NTM: variants seen among roughly 807,000 people sequenced by gnomAD.
NTM encodes the protein neurotrimin.
A neutral mutation model predicts 42.1 loss-of-function variants in NTM; 13 were observed. That is an observed-to-expected ratio of 0.31 (90% CI 0.20 to 0.49). The LOEUF (loss-of-function observed/expected upper bound fraction) is 0.49. Among genes scored for constraint, NTM ranks in the 20% least tolerant of loss-of-function variants. The pLI, the probability that NTM is intolerant of heterozygous loss-of-function variation, is 0.99. For synonymous variants in NTM, 187 were observed against 179.2 expected (o/e 1.04, Z -0.35); for missense variants, 373 against 452.8 (o/e 0.82, Z 1.60).
chr11:131,705,747 A>G (rs574937261), intron 1 of NTM, among the ~76,000 whole-genome samples: 1 of 152,136 alleles, frequency 6.6e-6, no homozygotes, highest in South Asian at 2.1e-4. Flanking sequence ...TTATGTATGC[A>G]GTTTAAGTTA....
chr11:131,700,280 A>G (rs1274844175), intron 1 of NTM, among the ~76,000 whole-genome samples: 1 of 152,126 alleles, frequency 6.6e-6, no homozygotes, highest in Non-Finnish European at 1.5e-5. Context: ...AACTTCAGAA[A>G]CTTTCTAATT....
At chr11:132,062,137 C>T (rs2080779821) in intron 2 of NTM, among the ~76,000 whole-genome samples, 1 of 152,150 alleles carries the variant, frequency 6.6e-6, no homozygotes, top group Non-Finnish European at 1.5e-5. Context: ...TTTTGCCTCA[C>T]TTGGAAGTAA....
chr11:131,735,772 G>T (rs2080334711), intron 1 of NTM, among the ~76,000 whole-genome samples: 1 of 151,958 alleles, frequency 6.6e-6, no homozygotes, highest in South Asian at 2.1e-4. Flanking sequence ...CCCACACTGT[G>T]GTGGAAAGAA....
intron 4 of NTM, among the ~76,000 whole-genome samples, chr11:132,301,544 C>G (rs2094857666): frequency 6.6e-6 from 1 of 152,220 alleles, no homozygotes; most frequent in Non-Finnish European, 1.5e-5. Flanking sequence ...TATCTCCCAG[C>G]ATCTGAGCAA....
intron 2 of NTM, among the ~76,000 whole-genome samples, chr11:132,134,705 GTATATATA>G (rs57297229): frequency 0.043 from 3,258 of 75,738 alleles, 574 homozygotes; most frequent in Non-Finnish European, 0.058. Context: ...GTATTCCATG[GTATATATA>G]TATATATATA....
chr11:131,937,134 A>C (rs1478726978), intron 2 of NTM, among the ~76,000 whole-genome samples: 1 of 151,946 alleles, frequency 6.6e-6, no homozygotes, highest in South Asian at 2.1e-4. Context: ...AAAAACGTCT[A>C]CTCTTTTATT....
intron 1 of NTM, among the ~76,000 whole-genome samples, chr11:131,500,455 A>G (rs2046597511): frequency 1.3e-5 from 2 of 151,140 alleles, no homozygotes; most frequent in African/African-American, 4.8e-5. Flanking sequence ...GTAAGTAAGT[A>G]TGCTGACTAT....
chr11:131,566,670 C>T (rs318950), intron 1 of NTM, among the ~76,000 whole-genome samples: 80,707 of 151,978 alleles, frequency 0.53, 21,784 homozygotes, highest in South Asian at 0.69. Flanking sequence ...CCAAATGCGG[C>T]ACAACTTTAA....
intron 1 of NTM, among the ~76,000 whole-genome samples, chr11:131,581,601 C>T (rs1195431153): frequency 1.3e-5 from 2 of 152,122 alleles, no homozygotes; most frequent in African/African-American, 2.4e-5. Flanking sequence ...AGGGGACTTC[C>T]TCGTTATTCT....
At chr11:131,385,272 G>C (rs969644859) in intron 1 of NTM, 1 of 152,206 alleles carries the variant, frequency 6.6e-6, no homozygotes, top group East Asian at 1.9e-4. Context: ...GGAGGAAAAA[G>C]TAGTATTCCC....
intron 2 of NTM, among the ~76,000 whole-genome samples, chr11:132,060,530 A>G (rs764740164): frequency 2.6e-5 from 4 of 152,132 alleles, no homozygotes; most frequent in Non-Finnish European, 5.9e-5. Context: ...TGTAAATAAC[A>G]TTTTGCTGTT....
intron 1 of NTM, among the ~76,000 whole-genome samples, chr11:131,427,985 T>C (rs1298031931): frequency 6.6e-6 from 1 of 152,344 alleles, no homozygotes; most frequent in Non-Finnish European, 1.5e-5. Flanking sequence ...GGGTGATCTC[T>C]TTATTACATG....
At chr11:132,219,579 A>T (rs1592302831) in intron 4 of NTM, among the ~76,000 whole-genome samples, 1 of 152,066 alleles carries the variant, frequency 6.6e-6, no homozygotes, top group South Asian at 2.1e-4. Context: ...TGGACTGTGG[A>T]TCATCTCATA....
At chr11:132,001,408 T>G (rs1308298821) in intron 2 of NTM, among the ~76,000 whole-genome samples, 1 of 152,208 alleles carries the variant, frequency 6.6e-6, no homozygotes, top group Non-Finnish European at 1.5e-5. Flanking sequence ...TACCTGAAAT[T>G]GGATAATGTA....
chr11:132,162,362 G>A (rs1231583869), intron 3 of NTM, among the ~76,000 whole-genome samples: 4 of 150,864 alleles, frequency 2.7e-5, no homozygotes, highest in Admixed American at 2.6e-4. Flanking sequence ...GCATGTGGGG[G>A]GGACTGCGTG....
intron 1 of NTM, among the ~76,000 whole-genome samples, chr11:131,874,065 A>ATATATATATATATC (rs1565659857): frequency 1.7e-5 from 1 of 60,194 alleles, no homozygotes; most frequent in African/African-American, 4.3e-5. Context: ...ATATATATAT[A>ATATATATATATATC]TATCAGCAAC....
intron 1 of NTM, among the ~76,000 whole-genome samples, chr11:131,372,581 TA>T (rs1471020951): frequency 2.0e-5 from 3 of 150,262 alleles, no homozygotes; most frequent in Admixed American, 2.0e-4. Context: ...AAATGAAAAC[TA>T]AGCAGGCAAG....
intron 3 of NTM, among the ~76,000 whole-genome samples, chr11:132,158,062 C>T (rs541572168): frequency 2.5e-4 from 38 of 152,296 alleles, no homozygotes; most frequent in Admixed American, 1.8e-3. Context: ...CCATGCTCAG[C>T]GAAAGCATTT....
rs371669307 is a variant in NTM, at chr11:132,205,069, G to A, written c.401-6953G>A. The stretch of plus-strand genomic sequence containing the variant: ...TCCCATTAATTCTGTAAAGACAAAG[G>A]TCCCTAAAGAGGCCTTAGCAGTGAA... On this transcript the variant is annotated intron_variant, in intron 3 of 8. Coordinates refer to ENST00000683400, the MANE Select transcript of NTM (RefSeq NM_001352005.2). 2.0e-4 allele frequency among the ~76,000 whole-genome samples: 31 copies of A among 152,276 alleles called. 1 individual carries two copies. The highest frequency in any genetic ancestry group is 7.0e-4 in the African/African-American group (29 of 41,556).
Sources: allele counts gnomAD v4.1 joint callset (sites outside exome capture counted in the v4.1 genomes callset), GRCh38; gene constraint gnomAD v4.1.1; transcripts MANE v1.5; gene names NCBI Gene and HGNC (gene_info 2026-07-23, HGNC 2026-07-21).